The following CDON variants were observed in gnomAD, a reference collection of about 807,000 sequenced individuals.
CDON encodes cell adhesion molecule-related/down-regulated by oncogenes.
A neutral mutation model predicts 120.9 loss-of-function variants in CDON; 73 were observed. The observed-to-expected ratio is 0.60, with a 90% CI of 0.50 to 0.73. The LOEUF (loss-of-function observed/expected upper bound fraction) is 0.73, where lower values mean the gene tolerates loss of function less well. Ranked by LOEUF, CDON falls within the 30% of genes least tolerant of loss-of-function variation. The probability of loss-of-function intolerance (pLI) is 0.00; values close to 1 mark genes in which losing one functional copy is unlikely to be tolerated. For synonymous variants in CDON, 566 were observed against 573.5 expected (o/e 0.99, Z 0.19); for missense variants, 1,470 against 1,587.3 (o/e 0.93, Z 1.26).
At chr11:125,989,454 T>C (rs1277524447) in intron 15 of CDON, among the ~76,000 whole-genome samples, 183 bp downstream of exon 15, 1 of 152,180 alleles carries the variant, frequency 6.6e-6, no homozygotes, top group African/African-American at 2.4e-5. Context: ...GAGAATCACT[T>C]GAACCCAGGA....
intron 1 of CDON, among the ~76,000 whole-genome samples, chr11:126,047,114 T>C (rs1277402977): frequency 6.6e-6 from 1 of 152,194 alleles, no homozygotes; most frequent in Non-Finnish European, 1.5e-5. Flanking sequence ...CCCTTGCTTT[T>C]AGCTATCCCT....
intron 8 of CDON, among the ~76,000 whole-genome samples, chr11:126,008,721 G>C (rs931507070): frequency 2.0e-5 from 3 of 152,150 alleles, no homozygotes; most frequent in African/African-American, 7.2e-5. Flanking sequence ...ATTTCGAGCA[G>C]AGCCACTCTT....
At chr11:125,986,451 C>A (rs1455549474) in intron 15 of CDON, among the ~76,000 whole-genome samples, 1 of 151,944 alleles carries the variant, frequency 6.6e-6, no homozygotes, top group East Asian at 1.9e-4. Context: ...AGAGGAAAAA[C>A]CAGGAAAGAA....
intron 14 of CDON, among the ~76,000 whole-genome samples, chr11:125,992,400 T>G (rs922299309): frequency 6.6e-6 from 1 of 152,202 alleles, no homozygotes; most frequent in Admixed American, 6.5e-5. Flanking sequence ...AAAGTCTACA[T>G]AACTGTACAG....
intron 18 of CDON, among the ~76,000 whole-genome samples, chr11:125,976,677 T>C (rs111556613): frequency 3.3e-5 from 5 of 152,102 alleles, no homozygotes; most frequent in African/African-American, 1.2e-4. Context: ...GTCATTTAAA[T>C]GGCAGAGGTC....
chr11:126,041,182 A>C (rs1442605756), intron 1 of CDON, among the ~76,000 whole-genome samples: 1 of 146,868 alleles, frequency 6.8e-6, no homozygotes, highest in Non-Finnish European at 1.5e-5. Flanking sequence ...ACAGAGTGAG[A>C]CTGTCTAAAA....
chr11:125,958,436 G>T lies in CDON; in HGVS notation c.*2506C>A, dbSNP rs1233543855. 1 of 152,048 alleles carries T rather than the reference G, an allele frequency of 6.6e-6. No homozygotes were observed. The highest frequency in any genetic ancestry group is 2.4e-5 in the African/African-American group (1 of 41,400). 9.4% of individuals were successfully genotyped at this position (152,048 alleles called of 1,614,324 possible). A position where few individuals can be genotyped will look rare whatever the true frequency, so the allele number is the denominator to read the frequency against. ...AGTGCTGTCTCCCACACTGTACCAT[G>T]TCCTCTCATTTCCTGGTGAAGTGAC... On this transcript the variant is annotated 3_prime_UTR_variant, in exon 20 of 20. Transcript: ENST00000531738.
chr11:126,051,825 T>G (rs1159092290), intron 1 of CDON, among the ~76,000 whole-genome samples: 2 of 151,872 alleles, frequency 1.3e-5, no homozygotes, highest in African/African-American at 4.8e-5. Flanking sequence ...TTTTTTGTAT[T>G]TTTAGTAGAG....
At chr11:126,038,439 G>C (rs1948162815) in intron 1 of CDON, among the ~76,000 whole-genome samples, 1 of 152,122 alleles carries the variant, frequency 6.6e-6, no homozygotes, top group South Asian at 2.1e-4. Context: ...ATCACCTGAG[G>C]TCAGGAGTTC....
intron 18 of CDON, among the ~76,000 whole-genome samples, chr11:125,972,243 T>C (rs1234661894): frequency 1.1e-5 from 1 of 90,896 alleles, no homozygotes; most frequent in Non-Finnish European, 2.7e-5. Context: ...CTAGCCAACA[T>C]GGCAAAACTC....
chr11:126,050,690 C>T (rs1565556632), intron 1 of CDON, among the ~76,000 whole-genome samples: 1 of 152,124 alleles, frequency 6.6e-6, no homozygotes, highest in Non-Finnish European at 1.5e-5. Context: ...AATACAAACT[C>T]CTCAGCAGGG....
intron 1 of CDON, among the ~76,000 whole-genome samples, chr11:126,040,929 G>A (rs1351618611): frequency 2.7e-5 from 4 of 146,864 alleles, no homozygotes; most frequent in African/African-American, 5.0e-5. Flanking sequence ...AGTGGCTCAC[G>A]CCTGTAATCC....
Position 126,021,482 on chromosome 11 carries a change from C to G in CDON, c.115G>C (p.Val39Leu). 6.2e-7 allele frequency: 1 copy of G among 1,614,044 alleles called. No homozygotes were observed. The highest frequency in any genetic ancestry group is 1.3e-5 in the African/African-American group (1 of 75,014). The part of the protein sequence containing the change: ...PYFTSEPLSA[V>L]QKLGGPVVLH... ...ACTACAGGTCCACCAAGTTTCTGGA[C>G]AGCAGAGAGCGGCTCAGAAGTAAAA... The change falls in exon 3 of 20, where the codon GTC (valine) becomes CTC (leucine). Residue 39 changes from valine (V) to leucine (L), a missense_variant. By Grantham distance (32) the Val-to-Leu change is conservative. Transcript: ENST00000531738.
At chr11:125,981,974 T>TTTTC in intron 16 of CDON, among the ~76,000 whole-genome samples, 1 of 91,774 alleles carries the variant, frequency 1.1e-5, no homozygotes, top group African/African-American at 6.3e-5. Flanking sequence ...TATTTTCTTT[T>TTTTC]TTTTTTTTTT....
chr11:126,010,422 T>C lies in CDON; in HGVS notation c.1471A>G (p.Thr491Ala). ...ATGTATTTCCCCGCATGTTCCTGAG[T>C]CACAGCCTGAATATGGAGAGAGCTT... is the stretch of plus-strand genomic sequence containing the variant. ...GASSLHIQAV[T>A]QEHAGKYICE... The change falls in exon 8 of 20, where the codon ACT becomes GCT. Residue 491 changes from threonine (T) to alanine (A), a missense_variant. By Grantham distance (58) the Thr-to-Ala change is moderately conservative. Transcript: ENST00000531738. 1 of 1,614,146 alleles carries C rather than the reference T, an allele frequency of 6.2e-7. No individual in the cohort carries two copies. The highest frequency in any genetic ancestry group is 8.5e-7 in the Non-Finnish European group (1 of 1,180,000).
At chr11:125,996,958 C>T (rs569609178) in intron 12 of CDON, among the ~76,000 whole-genome samples, 1 of 152,216 alleles carries the variant, frequency 6.6e-6, no homozygotes, top group South Asian at 2.1e-4. Flanking sequence ...CGGCAAATTG[C>T]ATGAGCCCAG....
chr11:126,030,894 C>G (rs1236302460), intron 1 of CDON, among the ~76,000 whole-genome samples: 1 of 152,168 alleles, frequency 6.6e-6, no homozygotes, highest in Non-Finnish European at 1.5e-5. Flanking sequence ...TCATTTCCTA[C>G]ACAAACTTCT....
intron 16 of CDON, 64 bp from the exon 17 acceptor site, chr11:125,981,393 C>T (rs560435337): frequency 6.5e-5 from 98 of 1,513,096 alleles, no homozygotes; most frequent in South Asian, 9.1e-5. Context: ...CATGCACATA[C>T]GCACACACGC....
intron 8 of CDON, among the ~76,000 whole-genome samples, chr11:126,007,744 C>T (rs945866308): frequency 2.0e-5 from 3 of 152,154 alleles, no homozygotes; most frequent in Non-Finnish European, 2.9e-5. Flanking sequence ...GAGACCTCTC[C>T]AGAACTTTTA....
Sources: allele counts gnomAD v4.1 joint callset (sites outside exome capture counted in the v4.1 genomes callset), GRCh38; gene constraint gnomAD v4.1.1; transcripts MANE v1.5; gene names NCBI Gene and HGNC (gene_info 2026-07-23, HGNC 2026-07-21).